Variants in XKR9 observed in about 807,000 individuals in gnomAD.
XKR9 encodes XK related 9, also known as XK-related protein 9.
Under a neutral mutation model 32.0 loss-of-function variants are expected in XKR9, and 32 were observed. The ratio of observed to expected loss-of-function variants is 1.00; its 90% confidence interval spans 0.76 to 1.34. The LOEUF is 1.34. XKR9 is among the 40% of genes most tolerant of loss of function. XKR9 has a pLI of 0.00. For missense variants in XKR9, 546 were observed against 429.7 expected, an observed-to-expected ratio of 1.27 and a Z score of -2.39; for synonymous variants, 168 against 143.4, an observed-to-expected ratio of 1.17 and a Z score of -1.22.
the XKR9 span, among the ~76,000 whole-genome samples, chr8:70,903,623 G>T: frequency 6.6e-6 from 1 of 151,902 alleles, no homozygotes; most frequent in African/African-American, 2.4e-5. Flanking sequence ...AGGGTTTTTT[G>T]TGTCTCTCTC....
At chr8:71,044,864 C>A in the XKR9 span, among the ~76,000 whole-genome samples, 2 of 152,144 alleles carry the variant, frequency 1.3e-5, no homozygotes, top group Admixed American at 6.5e-5. Flanking sequence ...GTACAACCAG[C>A]GTAGTTTATC....
At chr8:71,028,391 T>C in the XKR9 span, among the ~76,000 whole-genome samples, 2 of 152,196 alleles carry the variant, frequency 1.3e-5, no homozygotes, top group African/African-American at 4.8e-5. Context: ...GAAATGCTAC[T>C]GATCCATGAT....
intron 4 of XKR9, among the ~76,000 whole-genome samples, chr8:70,718,685 C>T (rs2132209031): frequency 6.6e-6 from 1 of 152,184 alleles, no homozygotes; most frequent in Non-Finnish European, 1.5e-5. Flanking sequence ...TATTCCATGG[C>T]ATATATGGGC....
the XKR9 span, among the ~76,000 whole-genome samples, chr8:70,916,217 T>A: frequency 6.6e-6 from 1 of 152,246 alleles, no homozygotes; most frequent in Non-Finnish European, 1.5e-5. Context: ...TGCATTCCAC[T>A]GGGTTATTGG....
At chr8:70,945,702 C>T in the XKR9 span, among the ~76,000 whole-genome samples, 1 of 152,074 alleles carries the variant, frequency 6.6e-6, no homozygotes, top group Admixed American at 6.5e-5. Context: ...TCTGTGTAAA[C>T]AAACATCTCC....
chr8:70,935,138 TATAC>T, the XKR9 span, among the ~76,000 whole-genome samples: 13 of 147,008 alleles, frequency 8.8e-5, no homozygotes, highest in African/African-American at 3.2e-4. Flanking sequence ...CACACATATA[TATAC>T]ACATATATAC....
At chr8:70,843,207 A>C in the XKR9 span, among the ~76,000 whole-genome samples, 1 of 152,352 alleles carries the variant, frequency 6.6e-6, no homozygotes, top group Non-Finnish European at 1.5e-5. Context: ...AGAGGCCATA[A>C]TAAAGCTAAT....
the XKR9 span, among the ~76,000 whole-genome samples, chr8:71,008,707 G>C: frequency 6.6e-5 from 10 of 152,158 alleles, no homozygotes; most frequent in African/African-American, 2.4e-4. Context: ...GCTCACTGCA[G>C]TCTCGACCTC....
chr8:70,909,332 C>T, the XKR9 span, among the ~76,000 whole-genome samples: 1 of 152,076 alleles, frequency 6.6e-6, no homozygotes, highest in Admixed American at 6.6e-5. Context: ...ATATTGGTCC[C>T]CCTGTCTGAA....
intron 3 of XKR9, among the ~76,000 whole-genome samples, chr8:70,683,075 G>A (rs1490811131): frequency 6.6e-6 from 1 of 152,180 alleles, no homozygotes; most frequent in Non-Finnish European, 1.5e-5. Context: ...AATAGAATCA[G>A]CAAATATTTC....
At chr8:71,025,473 C>G in the XKR9 span, among the ~76,000 whole-genome samples, 2 of 152,190 alleles carry the variant, frequency 1.3e-5, no homozygotes, top group African/African-American at 4.8e-5. Context: ...CAATTCGTAA[C>G]AAAGGCTTTT....
At chr8:70,948,834 G>A in the XKR9 span, among the ~76,000 whole-genome samples, 59 of 152,296 alleles carry the variant, frequency 3.9e-4, 1 homozygote, top group Middle Eastern at 3.4e-3. Context: ...AAAAGCTCAG[G>A]ACAAAGGGTA....
the XKR9 span, among the ~76,000 whole-genome samples, chr8:70,803,602 GT>G: frequency 2.6e-5 from 4 of 152,122 alleles, no homozygotes; most frequent in African/African-American, 9.7e-5. Flanking sequence ...CTTTGGATGA[GT>G]TTTTTTGCTT....
At chr8:70,998,295 A>G in the XKR9 span, among the ~76,000 whole-genome samples, 1 of 152,238 alleles carries the variant, frequency 6.6e-6, no homozygotes, top group South Asian at 2.1e-4. Flanking sequence ...TGTCTCAATT[A>G]AGGGACTCCT....
chr8:70,831,834 C>T, the XKR9 span, among the ~76,000 whole-genome samples: 8 of 152,246 alleles, frequency 5.3e-5, no homozygotes, highest in East Asian at 3.9e-4. Flanking sequence ...CAAAGCCTCA[C>T]GACTAGTAAA....
At chr8:70,821,385 G>T in the XKR9 span, among the ~76,000 whole-genome samples, 5 of 152,202 alleles carry the variant, frequency 3.3e-5, 1 homozygote, top group South Asian at 8.3e-4. Flanking sequence ...GCTTTTGTAG[G>T]TGCACAGTGC....
the XKR9 span, among the ~76,000 whole-genome samples, chr8:71,023,901 C>G: frequency 6.6e-6 from 1 of 152,106 alleles, no homozygotes; most frequent in Non-Finnish European, 1.5e-5. Context: ...AGAGCAATCC[C>G]CAGGCTCTTG....
chr8:70,939,545 G>A, the XKR9 span, among the ~76,000 whole-genome samples: 6 of 152,068 alleles, frequency 3.9e-5, no homozygotes, highest in African/African-American at 1.4e-4. Context: ...TATCTTCAGT[G>A]CTGGGCCTGC....
the XKR9 span, among the ~76,000 whole-genome samples, chr8:70,812,901 C>G: frequency 6.6e-6 from 1 of 152,196 alleles, no homozygotes; most frequent in Admixed American, 6.5e-5. Context: ...TCATCCCCAT[C>G]AAGATACCAA....
Sources: gnomAD v4.1 joint callset for allele counts (sites outside exome capture counted in the v4.1 genomes callset) on GRCh38, gnomAD v4.1.1 for gene constraint, MANE v1.5 for transcripts, NCBI Gene and HGNC (gene_info 2026-07-23, HGNC 2026-07-21) for gene names.